ADAM12: variants seen among roughly 807,000 people sequenced by gnomAD.
The protein encoded by ADAM12 is ADAM metallopeptidase domain 12.
A neutral mutation model predicts 106.4 loss-of-function variants in ADAM12; 70 were observed. The observed-to-expected ratio is 0.66, with a 90% CI of 0.54 to 0.80. The LOEUF (loss-of-function observed/expected upper bound fraction) is 0.80, where lower values mean the gene tolerates loss of function less well. Among genes scored for constraint, ADAM12 ranks in the 30% least tolerant of loss-of-function variants. The probability of loss-of-function intolerance (pLI) is 0.00; values close to 1 mark genes in which losing one functional copy is unlikely to be tolerated. For synonymous variants in ADAM12, 420 were observed against 433.5 expected, an observed-to-expected ratio of 0.97 and a Z score of 0.39; for missense variants, 1,010 against 1,171.9, an observed-to-expected ratio of 0.86 and a Z score of 2.02.
chr10:126,359,645 C>G (rs1855671467), intron 1 of ADAM12, among the ~76,000 whole-genome samples: 1 of 152,230 alleles, frequency 6.6e-6, no homozygotes. Flanking sequence ...AGCTCCACCC[C>G]TGTGACTTTG....
At chr10:126,373,570 GTTC>G (rs1394938995) in intron 1 of ADAM12, among the ~76,000 whole-genome samples, 1 of 152,200 alleles carries the variant, frequency 6.6e-6, no homozygotes, top group African/African-American at 2.4e-5. Context: ...GAGGGTGTCT[GTTC>G]TTCTCAACAC....
rs531241764 is a variant in ADAM12 at position 126,227,279 on chromosome 10, C to T, written c.260+51636G>A. On this transcript the variant is annotated intron_variant, in intron 3 of 22. Coordinates refer to ENST00000448723, the MANE Select transcript of ADAM12 (RefSeq NM_001288973.2). ...CCATCGCCATCATTACCATCATCAT[C>T]GTCACCATCATCACTATTATCACCA... Among the ~76,000 whole-genome samples, 16 of 152,272 alleles carry T rather than the reference C, an allele frequency of 1.1e-4. 1 individual carries two copies. Among genetic ancestry groups the T allele is most frequent in the African/African-American group, 3.1e-4 (13 of 41,552 alleles).
chr10:126,022,259 A>T (rs1953782260), intron 21 of ADAM12, among the ~76,000 whole-genome samples: 1 of 152,204 alleles, frequency 6.6e-6, no homozygotes, highest in South Asian at 2.1e-4. Context: ...ACTTTAGAAG[A>T]TAAATTATAT....
chr10:126,361,361 C>G (rs1362362949), intron 1 of ADAM12, among the ~76,000 whole-genome samples: 2 of 151,986 alleles, frequency 1.3e-5, no homozygotes, highest in African/African-American at 4.8e-5. Flanking sequence ...CCATACTACC[C>G]AAAGCAATCT....
At chr10:126,092,460 A>G (rs1223805467) in intron 11 of ADAM12, among the ~76,000 whole-genome samples, 3 of 152,210 alleles carry the variant, frequency 2.0e-5, no homozygotes, top group Non-Finnish European at 4.4e-5. Context: ...CCTTGCCCCA[A>G]ATGTCCAGCA....
chr10:126,200,867 G>A (rs974645074), intron 3 of ADAM12, among the ~76,000 whole-genome samples: 4 of 152,190 alleles, frequency 2.6e-5, no homozygotes, highest in African/African-American at 9.7e-5. Context: ...GATGGGGGCA[G>A]GGTGGTGGTG....
At chr10:126,261,523 T>G (rs573451264) in intron 3 of ADAM12, among the ~76,000 whole-genome samples, 4 of 152,178 alleles carry the variant, frequency 2.6e-5, no homozygotes, top group African/African-American at 9.7e-5. Context: ...ATAAATCAAT[T>G]CAGACAAGCC....
At chr10:126,220,772 G>A (rs546596146) in intron 3 of ADAM12, among the ~76,000 whole-genome samples, 7 of 152,310 alleles carry the variant, frequency 4.6e-5, no homozygotes, top group East Asian at 3.9e-4. Flanking sequence ...GAAAGTCTAG[G>A]AATAATTGTC....
intron 1 of ADAM12, among the ~76,000 whole-genome samples, chr10:126,358,887 T>C (rs1288363413): frequency 1.3e-5 from 2 of 152,166 alleles, no homozygotes; most frequent in African/African-American, 4.8e-5. Context: ...AGAAGAATCC[T>C]GTATTAGTCC....
At chr10:126,166,561 G>A (rs1957028376) in intron 3 of ADAM12, among the ~76,000 whole-genome samples, 3 of 151,968 alleles carry the variant, frequency 2.0e-5, no homozygotes, top group South Asian at 2.1e-4. Flanking sequence ...GCAGTGGCGC[G>A]AGATCTCGGC....
chr10:126,284,061 A>G (rs10736870), intron 2 of ADAM12, among the ~76,000 whole-genome samples: 133,693 of 152,148 alleles, frequency 0.88, 59,389 homozygotes, highest in East Asian at 0.99. Flanking sequence ...GGCTGGGCAC[A>G]GTGTCTCATT....
At chr10:126,183,598 T>C (rs1957352277) in intron 3 of ADAM12, among the ~76,000 whole-genome samples, 2 of 152,244 alleles carry the variant, frequency 1.3e-5, no homozygotes, top group African/African-American at 4.8e-5. Context: ...CAACATGTCG[T>C]CCGCACTTCT....
chr10:126,215,372 C>A (rs1434684883), intron 3 of ADAM12, among the ~76,000 whole-genome samples: 2 of 152,168 alleles, frequency 1.3e-5, no homozygotes, highest in East Asian at 3.9e-4. Flanking sequence ...GCTGCCCTTC[C>A]ATAACTCAGG....
intron 21 of ADAM12, among the ~76,000 whole-genome samples, chr10:126,023,546 G>A (rs1953809710): frequency 1.3e-5 from 2 of 152,198 alleles, no homozygotes; most frequent in African/African-American, 4.8e-5. Flanking sequence ...CAAGTTTAAT[G>A]AGAGAGAATT....
intron 9 of ADAM12, 107 bp downstream of exon 9, chr10:126,100,965 G>T: frequency 8.1e-7 from 1 of 1,232,112 alleles, no homozygotes; most frequent in South Asian, 1.5e-5. Flanking sequence ...GCACAAGGCA[G>T]TGTGCTCTGC....
chr10:126,041,366 A>ATGCAGTAATG, intron 18 of ADAM12: 7 of 985,780 alleles, frequency 7.1e-6, no homozygotes, highest in Non-Finnish European at 8.4e-6. Flanking sequence ...ACTCTATTTT[A>ATGCAGTAATG]TGCAGTAATG....
intron 3 of ADAM12, among the ~76,000 whole-genome samples, chr10:126,206,862 G>GGC (rs1957807774): frequency 6.8e-6 from 1 of 147,350 alleles, no homozygotes; most frequent in Non-Finnish European, 1.5e-5. Flanking sequence ...TGTGGGGGCG[G>GGC]GGGGGAGCCA....
chr10:126,195,916 A>T (rs923318984), intron 3 of ADAM12, among the ~76,000 whole-genome samples: 1 of 152,224 alleles, frequency 6.6e-6, no homozygotes, highest in African/African-American at 2.4e-5. Flanking sequence ...CTTTCAAAGT[A>T]AAACCCGATC....
chr10:126,140,247 A>G (rs1348255872), intron 4 of ADAM12, among the ~76,000 whole-genome samples: 1 of 152,214 alleles, frequency 6.6e-6, no homozygotes. Context: ...TGTTTAAAAA[A>G]CTGAAAACCA....
Sources: gnomAD v4.1 joint callset for allele counts (sites outside exome capture counted in the v4.1 genomes callset) on GRCh38, gnomAD v4.1.1 for gene constraint, MANE v1.5 for transcripts, NCBI Gene and HGNC (gene_info 2026-07-23, HGNC 2026-07-21) for gene names.